Variants in CDH18 observed in about 807,000 individuals in gnomAD.
CDH18 encodes cadherin 18.
In CDH18, 31 loss-of-function variants were observed where a neutral mutation model predicts 67.9. That is an observed-to-expected ratio of 0.46 (90% CI 0.34 to 0.62). The LOEUF (loss-of-function observed/expected upper bound fraction) is 0.62. CDH18 is among the 20% of genes least tolerant of loss of function. The pLI, the probability that CDH18 is intolerant of heterozygous loss-of-function variation, is 0.01. For synonymous variants in CDH18, 362 were observed against 347.2 expected, an observed-to-expected ratio of 1.04 and a Z score of -0.48; for missense variants, 890 against 975.5, an observed-to-expected ratio of 0.91 and a Z score of 1.17.
At chr5:20,474,696 A>G (rs1020055734) in intron 1 of CDH18, among the ~76,000 whole-genome samples, 5 of 152,226 alleles carry the variant, frequency 3.3e-5, no homozygotes, top group Non-Finnish European at 7.3e-5. Flanking sequence ...CCTAGAAGGC[A>G]GCCGCTATGG....
At chr5:19,816,453 T>C (rs1779293289) in intron 3 of CDH18, among the ~76,000 whole-genome samples, 1 of 151,928 alleles carries the variant, frequency 6.6e-6, no homozygotes, top group Admixed American at 6.6e-5. Flanking sequence ...CCAGCAGCTT[T>C]GCTTTAGCAA....
chr5:20,018,400 AAAC>A (rs1738078989), intron 2 of CDH18, among the ~76,000 whole-genome samples: 1 of 152,220 alleles, frequency 6.6e-6, no homozygotes. Flanking sequence ...TGACTTTTGC[AAAC>A]AAGATTCTTT....
chr5:19,703,607 C>A (rs564536122), intron 5 of CDH18, among the ~76,000 whole-genome samples: 1 of 152,162 alleles, frequency 6.6e-6, no homozygotes, highest in East Asian at 1.9e-4. Flanking sequence ...AGTGACTGTT[C>A]AAGCAGTGCC....
rs1749158042 is a variant in CDH18, at chr5:19,612,549, G to A, written c.696C>T (p.Tyr232=). 3.1e-6 allele frequency: 5 copies of A among 1,613,902 alleles called. No homozygotes were observed. Among genetic ancestry groups the A allele is most frequent in the East Asian group, 2.2e-5 (1 of 44,856 alleles). ...HNMDREAREH[Y]SVVIQAKDMA... ...TGTCTTTGGCTTGAATGACTACGGA[G>A]TAATGTTCTCTGGCTTCTCTGTCCA... is the stretch of plus-strand genomic sequence containing the variant. Residue 232 remains tyrosine (Y), a synonymous_variant, in exon 6 of 13, where the codon TAC becomes TAT. Coordinates refer to ENST00000382275, the MANE Select transcript of CDH18 (RefSeq NM_004934.5).
chr5:20,489,285 GCAAA>G (rs1753431814), intron 1 of CDH18, among the ~76,000 whole-genome samples: 1 of 151,954 alleles, frequency 6.6e-6, no homozygotes, highest in African/African-American at 2.4e-5. Context: ...ACTCTGGATG[GCAAA>G]CAAATGATAC....
chr5:20,071,552 A>G (rs933468175), intron 2 of CDH18, among the ~76,000 whole-genome samples: 1 of 152,086 alleles, frequency 6.6e-6, no homozygotes, highest in Non-Finnish European at 1.5e-5. Flanking sequence ...ACATGATTAA[A>G]TTGAGATTTT....
At chr5:20,320,969 T>G (rs1277472583) in intron 1 of CDH18, among the ~76,000 whole-genome samples, 1 of 152,132 alleles carries the variant, frequency 6.6e-6, no homozygotes, top group African/African-American at 2.4e-5. Context: ...TCAGGCTTAC[T>G]TTTAACCAAT....
At chr5:20,182,919 A>G (rs1201761124) in intron 2 of CDH18, among the ~76,000 whole-genome samples, 1 of 152,104 alleles carries the variant, frequency 6.6e-6, no homozygotes, top group African/African-American at 2.4e-5. Context: ...CAAGGTCTCT[A>G]TATCGAATGG....
At chr5:20,296,913 C>A (rs757468906) in intron 1 of CDH18, among the ~76,000 whole-genome samples, 294 of 151,744 alleles carry the variant, frequency 1.9e-3, no homozygotes, top group Non-Finnish European at 2.8e-3. Flanking sequence ...GCATATAAGT[C>A]TATGTTACTC....
intron 1 of CDH18, among the ~76,000 whole-genome samples, chr5:20,457,540 A>G (rs1201998933): frequency 6.6e-6 from 1 of 152,186 alleles, no homozygotes; most frequent in Non-Finnish European, 1.5e-5. Flanking sequence ...GTGTGGCTAT[A>G]CAACTGTGCT....
chr5:20,063,780 A>T (rs1742718496), intron 2 of CDH18, among the ~76,000 whole-genome samples: 1 of 152,164 alleles, frequency 6.6e-6, no homozygotes, highest in Admixed American at 6.6e-5. Flanking sequence ...CTTTAGATAT[A>T]AATGTACCAA....
intron 1 of CDH18, among the ~76,000 whole-genome samples, chr5:20,273,661 AT>A (rs1745599272): frequency 6.6e-6 from 1 of 152,102 alleles, no homozygotes; most frequent in African/African-American, 2.4e-5. Flanking sequence ...CATATTTTAT[AT>A]TTGCTAGAAA....
chr5:19,649,527 T>C (rs1755263642), intron 5 of CDH18, among the ~76,000 whole-genome samples: 1 of 152,154 alleles, frequency 6.6e-6, no homozygotes. Context: ...ACCAATTGAC[T>C]TATGTCTTTG....
intron 1 of CDH18, among the ~76,000 whole-genome samples, chr5:20,539,286 T>C (rs190624952): frequency 4.6e-5 from 7 of 152,244 alleles, no homozygotes; most frequent in Admixed American, 1.3e-4. Flanking sequence ...TTGAAACAAA[T>C]CATCGTCTGT....
At chr5:19,660,854 T>C (rs964894584) in intron 5 of CDH18, among the ~76,000 whole-genome samples, 3 of 152,026 alleles carry the variant, frequency 2.0e-5, no homozygotes, top group Admixed American at 6.6e-5. Flanking sequence ...GAGGCCTCAA[T>C]GTAGCCACCT....
chr5:19,964,412 C>T lies in CDH18; in HGVS notation c.-257+16648G>A, dbSNP rs182276123. ...CCTGGGCAACATAGTGAGACCCTGT[C>T]TCTACAGAAAAAAAAAAAAAAGAAA... On this transcript the variant is annotated intron_variant, in intron 2 of 12. Coordinates refer to ENST00000382275, the MANE Select transcript of CDH18 (RefSeq NM_004934.5). Among the ~76,000 whole-genome samples the T allele has an allele frequency of 2.8e-3, 408 of 148,016 alleles. 6 individuals carry two copies. Among genetic ancestry groups the T allele is most frequent in the Non-Finnish European group, 3.6e-3 (242 of 67,224 alleles).
At chr5:19,786,038 T>C (rs1241326010) in intron 3 of CDH18, among the ~76,000 whole-genome samples, 1 of 151,972 alleles carries the variant, frequency 6.6e-6, no homozygotes, top group Admixed American at 6.6e-5. Context: ...GAGACATATT[T>C]CTGAAATGGT....
At chr5:20,378,140 A>C (rs1162554108) in intron 1 of CDH18, among the ~76,000 whole-genome samples, 4 of 152,156 alleles carry the variant, frequency 2.6e-5, no homozygotes, top group African/African-American at 9.7e-5. Context: ...TGCTCTTCTC[A>C]GTTAACGTCA....
intron 2 of CDH18, among the ~76,000 whole-genome samples, chr5:20,172,454 T>C (rs1445228546): frequency 6.6e-6 from 1 of 151,484 alleles, no homozygotes; most frequent in Non-Finnish European, 1.5e-5. Flanking sequence ...AATTTTGAAA[T>C]GTCTTTGAAA....
Sources: gnomAD v4.1 joint callset for allele counts (sites outside exome capture counted in the v4.1 genomes callset) on GRCh38, gnomAD v4.1.1 for gene constraint, MANE v1.5 for transcripts, NCBI Gene and HGNC (gene_info 2026-07-23, HGNC 2026-07-21) for gene names.